RAD51B: variants seen among roughly 807,000 people sequenced by gnomAD.
RAD51B encodes RAD51 paralog B.
A neutral mutation model predicts 42.2 loss-of-function variants in RAD51B; 38 were observed. The ratio of observed to expected loss-of-function variants is 0.90; its 90% confidence interval spans 0.70 to 1.18. The LOEUF (loss-of-function observed/expected upper bound fraction) is 1.18. Ranked by LOEUF, RAD51B falls within the 50% of genes most tolerant of loss-of-function variation. RAD51B has a pLI of 0.00. For missense variants in RAD51B, 373 were observed against 400.7 expected, an observed-to-expected ratio of 0.93 and a Z score of 0.59; for synonymous variants, 154 against 145.2, an observed-to-expected ratio of 1.06 and a Z score of -0.43.
chr14:68,407,688 A>G (rs181985169), intron 8 of RAD51B, among the ~76,000 whole-genome samples: 3 of 152,380 alleles, frequency 2.0e-5, no homozygotes, highest in Admixed American at 2.0e-4. Context: ...ATAGAAGTTT[A>G]CAGGAGGAAG....
intron 10 of RAD51B, among the ~76,000 whole-genome samples, chr14:68,582,604 A>G (rs1472436389): frequency 6.6e-6 from 1 of 152,248 alleles, no homozygotes; most frequent in Non-Finnish European, 1.5e-5. Context: ...GCAATTCCTC[A>G]AGGATCTAGA....
At chr14:67,896,777 C>G (rs2043434763) in intron 7 of RAD51B, among the ~76,000 whole-genome samples, 1 of 152,056 alleles carries the variant, frequency 6.6e-6, no homozygotes, top group Non-Finnish European at 1.5e-5. Context: ...ATGTAGTTCA[C>G]TTAGTTAATA....
intron 7 of RAD51B, among the ~76,000 whole-genome samples, chr14:67,929,856 T>C (rs1006500387): frequency 6.6e-6 from 1 of 152,012 alleles, no homozygotes; most frequent in African/African-American, 2.4e-5. Flanking sequence ...CAATATGTTT[T>C]CTAGGCTAGT....
chr14:67,940,782 G>GA (rs146542484), intron 7 of RAD51B, among the ~76,000 whole-genome samples: 32,027 of 148,188 alleles, frequency 0.22, 3,657 homozygotes, highest in Middle Eastern at 0.36. Flanking sequence ...GTATCAGTAG[G>GA]AAAAAAAAAA....
In RAD51B at chr14:68,124,676, G is replaced by A. The variant is rs117451898; in HGVS notation, c.757-167208G>A. On this transcript the variant is annotated intron_variant, in intron 7 of 10. Transcript: ENST00000471583. Reference sequence around the variant, plus strand: ...CAGTTGAAAGGAATTATGTAAGGCCGGGTGTGGTGGCTCACACCTGTAATC... The same window carrying A: ...CAGTTGAAAGGAATTATGTAAGGCCAGGTGTGGTGGCTCACACCTGTAATC... Among the ~76,000 whole-genome samples, 1,015 of 152,216 alleles carry A rather than the reference G, an allele frequency of 6.7e-3. 36 individuals carry two copies. Among genetic ancestry groups the A allele is most frequent in the Admixed American group, 0.056 (860 of 15,306 alleles).
intron 11 of RAD51B, among the ~76,000 whole-genome samples, chr14:68,669,052 A>G (rs1893095479): frequency 6.6e-6 from 1 of 152,238 alleles, no homozygotes; most frequent in African/African-American, 2.4e-5. Context: ...AAAGAGTCTT[A>G]CCTGTTGAAA....
At chr14:68,205,509 A>T (rs1459237996) in intron 7 of RAD51B, among the ~76,000 whole-genome samples, 1 of 152,200 alleles carries the variant, frequency 6.6e-6, no homozygotes, top group Non-Finnish European at 1.5e-5. Flanking sequence ...TGCTTAGGAT[A>T]ATAAAGCCAA....
intron 2 of RAD51B, among the ~76,000 whole-genome samples, chr14:67,824,845 G>T (rs1373404798): frequency 6.6e-6 from 1 of 151,626 alleles, no homozygotes; most frequent in Admixed American, 6.6e-5. Context: ...TTGGGAGGCC[G>T]AGGTGGGCAG....
At chr14:67,976,371 G>T (rs1485009223) in intron 7 of RAD51B, among the ~76,000 whole-genome samples, 1 of 151,844 alleles carries the variant, frequency 6.6e-6, no homozygotes, top group South Asian at 2.1e-4. Flanking sequence ...TCTCATGTTG[G>T]CCTCCCAGCA....
At chr14:68,151,788 A>G (rs1437525202) in intron 7 of RAD51B, among the ~76,000 whole-genome samples, 1 of 97,026 alleles carries the variant, frequency 1.0e-5, no homozygotes, top group African/African-American at 3.8e-5. Flanking sequence ...TAGTATTTCT[A>G]TTGACTTTTC....
At chr14:68,440,130 G>C (rs1356260602) in intron 9 of RAD51B, among the ~76,000 whole-genome samples, 1 of 150,638 alleles carries the variant, frequency 6.6e-6, no homozygotes, top group Non-Finnish European at 1.5e-5. Context: ...TATTTGGCTA[G>C]TAATAATGGT....
intron 10 of RAD51B, among the ~76,000 whole-genome samples, chr14:68,530,730 G>A (rs1887252259): frequency 6.6e-6 from 1 of 151,980 alleles, no homozygotes; most frequent in Non-Finnish European, 1.5e-5. Context: ...TCAGTCTTGA[G>A]TCTTCACTGA....
rs2075818895 is a variant in RAD51B, at chr14:68,018,816, TG to T, written c.756+131616del. 3.3e-5 allele frequency among the ~76,000 whole-genome samples: 5 copies of T among 152,320 alleles called. 1 individual carries two copies. In the South Asian group the frequency reaches 1.0e-3, roughly 32 times the overall value. On this transcript the variant is annotated intron_variant, in intron 7 of 10. Coordinates refer to ENST00000471583, the MANE Select transcript of RAD51B (RefSeq NM_133510.4). The stretch of plus-strand genomic sequence containing the variant: ...TTGAGTCATAGACTTGTGTGTGCCA[TG>T]GGGTATAATGAATGGGTAATGGACT...
chr14:68,679,571 C>T (rs1228465474), intron 11 of RAD51B, among the ~76,000 whole-genome samples: 1 of 152,214 alleles, frequency 6.6e-6, no homozygotes, highest in African/African-American at 2.4e-5. Context: ...TAGGAAAGGC[C>T]ACAGAACTTT....
chr14:67,889,664 T>C (rs1309584883), intron 7 of RAD51B, among the ~76,000 whole-genome samples: 1 of 151,844 alleles, frequency 6.6e-6, no homozygotes, highest in Non-Finnish European at 1.5e-5. Flanking sequence ...TATGTGCGCA[T>C]GAATGCATTT....
intron 9 of RAD51B, among the ~76,000 whole-genome samples, chr14:68,466,251 G>T (rs897315436): frequency 2.0e-5 from 3 of 152,134 alleles, no homozygotes; most frequent in African/African-American, 7.2e-5. Flanking sequence ...CATATGTGAT[G>T]GGTTAGTTGG....
chr14:68,678,126 G>A (rs118147054), intron 11 of RAD51B, among the ~76,000 whole-genome samples: 97 of 152,272 alleles, frequency 6.4e-4, no homozygotes, highest in South Asian at 1.9e-3. Context: ...CTTGCCCAAG[G>A]TTACATAGCT....
intron 11 of RAD51B, among the ~76,000 whole-genome samples, chr14:68,671,784 G>A (rs1349952279): frequency 6.6e-6 from 1 of 151,758 alleles, no homozygotes. Flanking sequence ...AACACTGTAG[G>A]GCCTTAGGAA....
At chr14:67,864,578 T>C (rs1012609495) in intron 4 of RAD51B, among the ~76,000 whole-genome samples, 5 of 152,252 alleles carry the variant, frequency 3.3e-5, no homozygotes, top group Non-Finnish European at 5.9e-5. Context: ...TTTGAAATGC[T>C]AATTTTTAAC....
Sources: gnomAD v4.1 joint callset for allele counts (sites outside exome capture counted in the v4.1 genomes callset) on GRCh38, gnomAD v4.1.1 for gene constraint, MANE v1.5 for transcripts, NCBI Gene and HGNC (gene_info 2026-07-23, HGNC 2026-07-21) for gene names.